The following TLCD4 variants were observed in gnomAD, a reference collection of about 807,000 sequenced individuals.
TLCD4 encodes the protein TLC domain-containing protein 4.
TLCD4 carries 7 observed loss-of-function variants against 24.2 expected under a neutral mutation model. The observed-to-expected ratio is 0.29, with a 90% CI of 0.16 to 0.54. TLCD4 has a LOEUF of 0.54. Among genes scored for constraint, TLCD4 ranks in the 20% least tolerant of loss-of-function variants. TLCD4 has a pLI of 0.95. For missense variants in TLCD4, 259 were observed against 313.9 expected (o/e 0.82, Z 1.32); for synonymous variants, 103 against 106.4 (o/e 0.97, Z 0.20).
intron 6 of TLCD4, among the ~76,000 whole-genome samples, chr1:95,190,097 T>C (rs1481253608): frequency 0.033 from 3 of 92 alleles, no homozygotes; most frequent in Admixed American, 0.5. Flanking sequence ...TTGCACTTTC[T>C]TTTTTTTTTT....
intron 5 of TLCD4, among the ~76,000 whole-genome samples, chr1:95,153,835 G>T (rs570970616): frequency 6.6e-6 from 1 of 152,254 alleles, no homozygotes; most frequent in South Asian, 2.1e-4. Flanking sequence ...GCCTTGAAAT[G>T]TCCCTGGAAA....
intron 2 of TLCD4, 62 bp from the exon 3 acceptor site, chr1:95,148,640 G>T (rs1677411132): frequency 1.2e-6 from 2 of 1,603,696 alleles, no homozygotes; most frequent in East Asian, 2.2e-5. Context: ...TCTGTGTCTT[G>T]TCAGGATTAA....
At chr1:95,102,367 T>C in the TLCD4 span, among the ~76,000 whole-genome samples, 6 of 151,994 alleles carry the variant, frequency 3.9e-5, no homozygotes, top group East Asian at 9.7e-4. Context: ...GAAAAATACA[T>C]AGGGAGTCTG....
chr1:95,117,985 T>A (rs949454124), intron 1 of TLCD4: 1 of 152,234 alleles, frequency 6.6e-6, no homozygotes, highest in Non-Finnish European at 1.5e-5. Flanking sequence ...CCTGTCTGCC[T>A]GGCGGTGCCT....
chr1:95,173,763 G>A (rs1234849723), intron 5 of TLCD4, 53 bp from the exon 6 acceptor site: 1 of 1,610,528 alleles, frequency 6.2e-7, no homozygotes, highest in African/African-American at 1.3e-5. Context: ...CGGTATTTGG[G>A]AATTTTGTTA....
At chr1:95,161,236 G>C (rs1677789559) in intron 5 of TLCD4, among the ~76,000 whole-genome samples, 1 of 152,130 alleles carries the variant, frequency 6.6e-6, no homozygotes, top group Admixed American at 6.5e-5. Flanking sequence ...TCTTGGGAGG[G>C]TGTATGTGTC....
intron 5 of TLCD4, among the ~76,000 whole-genome samples, chr1:95,170,330 CTTTTTTTTTT>C (rs10664436): frequency 7.9e-6 from 1 of 126,628 alleles, no homozygotes; most frequent in Non-Finnish European, 1.6e-5. Context: ...ACAAATCATT[CTTTTTTTTTT>C]TTTTTTTTGA....
At chr1:95,154,300 G>C (rs1013059236) in intron 5 of TLCD4, among the ~76,000 whole-genome samples, 1 of 152,140 alleles carries the variant, frequency 6.6e-6, no homozygotes, top group South Asian at 2.1e-4. Flanking sequence ...ACTTCCTTGG[G>C]GGACAGGAGG....
At chr1:95,103,087 T>A in the TLCD4 span, among the ~76,000 whole-genome samples, 3 of 152,122 alleles carry the variant, frequency 2.0e-5, no homozygotes, top group African/African-American at 7.2e-5. Flanking sequence ...CAAGTGATTC[T>A]CCTGCCTCAG....
chr1:95,178,081 G>A (rs761360401), intron 6 of TLCD4, among the ~76,000 whole-genome samples: 9 of 151,532 alleles, frequency 5.9e-5, no homozygotes, highest in Non-Finnish European at 1.3e-4. Context: ...TTCCCGAGTA[G>A]CTGGGACTTC....
chr1:95,100,596 A>T, the TLCD4 span, among the ~76,000 whole-genome samples: 7 of 151,988 alleles, frequency 4.6e-5, no homozygotes, highest in Admixed American at 6.6e-5. Context: ...ATAATAATAA[A>T]AAAGAAAAAG....
At chr1:95,165,451 A>ATG (rs200603319) in intron 5 of TLCD4, among the ~76,000 whole-genome samples, 37 of 146,004 alleles carry the variant, frequency 2.5e-4, no homozygotes, top group Middle Eastern at 7.2e-3. Context: ...GGCAAATAGT[A>ATG]TGTGTGTGTG....
At chr1:95,182,208 T>C (rs928390451) in intron 6 of TLCD4, among the ~76,000 whole-genome samples, 2 of 152,136 alleles carry the variant, frequency 1.3e-5, no homozygotes, top group African/African-American at 4.8e-5. Context: ...AGCCCACTTT[T>C]TTTTTTTATT....
chr1:95,140,179 A>G (rs1297449946), intron 1 of TLCD4, among the ~76,000 whole-genome samples: 6 of 152,234 alleles, frequency 3.9e-5, no homozygotes, highest in Non-Finnish European at 7.3e-5. Flanking sequence ...TGCTTAAGCC[A>G]GTAACATAGT....
At chr1:95,122,971 A>G in intron 1 of TLCD4, among the ~76,000 whole-genome samples, 1 of 147,820 alleles carries the variant, frequency 6.8e-6, no homozygotes, top group East Asian at 2.0e-4. Context: ...TATGGACATG[A>G]TTTTTTTTTT....
chr1:95,164,913 T>G (rs1400874449), intron 5 of TLCD4: 1 of 152,200 alleles, frequency 6.6e-6, no homozygotes, highest in Non-Finnish European at 1.5e-5. Context: ...CTAATTGCCT[T>G]CCTTTTTTCC....
At chr1:95,133,037 A>C (rs10874905) in intron 1 of TLCD4, among the ~76,000 whole-genome samples, 28,088 of 152,098 alleles carry the variant, frequency 0.18, 4,324 homozygotes, top group East Asian at 0.42. Context: ...ATATTTCTAG[A>C]ACTTTGTCTG....
the TLCD4 span, among the ~76,000 whole-genome samples, chr1:95,097,819 G>T: frequency 9.9e-5 from 15 of 152,122 alleles, no homozygotes; most frequent in Non-Finnish European, 1.9e-4. Context: ...TTAACTTCAT[G>T]CCATTCCTGA....
At chr1:95,183,661 G>T (rs966729890) in intron 6 of TLCD4, among the ~76,000 whole-genome samples, 1 of 152,022 alleles carries the variant, frequency 6.6e-6, no homozygotes, top group African/African-American at 2.4e-5. Flanking sequence ...CCAACATGGT[G>T]AAACCCCGTC....
Sources: allele counts gnomAD v4.1 joint callset (sites outside exome capture counted in the v4.1 genomes callset), GRCh38; gene constraint gnomAD v4.1.1; transcripts MANE v1.5; gene names NCBI Gene and HGNC (gene_info 2026-07-23, HGNC 2026-07-21).